Variants in MDGA2 observed in about 807,000 individuals in gnomAD.
MDGA2 encodes MAM domain containing glycosylphosphatidylinositol anchor 2.
MDGA2 carries 40 observed loss-of-function variants against 117.8 expected under a neutral mutation model. The ratio of observed to expected loss-of-function variants is 0.34; its 90% confidence interval spans 0.26 to 0.44. MDGA2 has a LOEUF of 0.44. MDGA2 is among the 20% of genes least tolerant of loss of function. The pLI, the probability that MDGA2 is intolerant of heterozygous loss-of-function variation, is 1.00. For missense variants in MDGA2, 1,123 were observed against 1,250.6 expected (o/e 0.90, Z 1.54); for synonymous variants, 452 against 439.0 (o/e 1.03, Z -0.37).
intron 1 of MDGA2, among the ~76,000 whole-genome samples, chr14:47,563,864 A>C (rs1895867662): frequency 6.6e-6 from 1 of 151,768 alleles, no homozygotes; most frequent in East Asian, 1.9e-4. Context: ...TGGTTTATGT[A>C]CTGTATGTGT....
chr14:47,348,744 G>C (rs1021096603), intron 1 of MDGA2, among the ~76,000 whole-genome samples: 1 of 152,084 alleles, frequency 6.6e-6, no homozygotes, highest in African/African-American at 2.4e-5. Context: ...GAGTGCAGAA[G>C]CAAAAATCTT....
chr14:47,646,493 G>C (rs909553954), intron 1 of MDGA2, among the ~76,000 whole-genome samples: 4 of 152,012 alleles, frequency 2.6e-5, no homozygotes, highest in Non-Finnish European at 5.9e-5. Flanking sequence ...CTTTCTTCTC[G>C]GGTCTGGATC....
chr14:47,293,358 C>A (rs1322574067), intron 2 of MDGA2, among the ~76,000 whole-genome samples: 3 of 152,120 alleles, frequency 2.0e-5, no homozygotes, highest in African/African-American at 7.2e-5. Context: ...TCATAATTAA[C>A]CCAAGTCATG....
At chr14:47,008,348 T>C (rs1887782284) in intron 8 of MDGA2, among the ~76,000 whole-genome samples, 1 of 151,900 alleles carries the variant, frequency 6.6e-6, no homozygotes, top group African/African-American at 2.4e-5. Context: ...AGCCAATGCC[T>C]AATGTTATTG....
At chr14:47,134,950 A>G (rs1253947074) in intron 4 of MDGA2, among the ~76,000 whole-genome samples, 1 of 152,014 alleles carries the variant, frequency 6.6e-6, no homozygotes, top group Non-Finnish European at 1.5e-5. Context: ...ATTTAATAAT[A>G]AAGTCTCTTT....
chr14:47,541,436 C>G (rs1895350621), intron 1 of MDGA2, among the ~76,000 whole-genome samples: 1 of 152,104 alleles, frequency 6.6e-6, no homozygotes, highest in African/African-American at 2.4e-5. Flanking sequence ...AATTTAATTC[C>G]TCGTTTGGTT....
intron 1 of MDGA2, among the ~76,000 whole-genome samples, chr14:47,319,261 C>A (rs1363164090): frequency 6.6e-6 from 1 of 152,048 alleles, no homozygotes; most frequent in Non-Finnish European, 1.5e-5. Context: ...TTGTAAATAA[C>A]ATCCTTGAGT....
chr14:47,132,353 A>G (rs1041191251), intron 4 of MDGA2, among the ~76,000 whole-genome samples: 2 of 151,982 alleles, frequency 1.3e-5, no homozygotes, highest in African/African-American at 4.8e-5. Flanking sequence ...ACATTTATAA[A>G]CATAAATATT....
At chr14:47,203,661 A>G (rs370054956) in intron 3 of MDGA2, among the ~76,000 whole-genome samples, 3 of 151,966 alleles carry the variant, frequency 2.0e-5, no homozygotes, top group East Asian at 3.9e-4. Context: ...GTAGAAGCTC[A>G]GGAGGCAGAA....
At chr14:47,457,623 C>T (rs1893382957) in intron 1 of MDGA2, among the ~76,000 whole-genome samples, 1 of 152,076 alleles carries the variant, frequency 6.6e-6, no homozygotes, top group Admixed American at 6.6e-5. Flanking sequence ...AATGTTAACT[C>T]GACTGTTCTT....
chr14:47,408,644 A>G (rs1189154513), intron 1 of MDGA2, among the ~76,000 whole-genome samples: 3 of 152,238 alleles, frequency 2.0e-5, no homozygotes, highest in Non-Finnish European at 2.9e-5. Context: ...TAGGAAGTCT[A>G]TTCTTCTCCA....
chr14:46,895,812 T>C (rs1412317091), intron 10 of MDGA2, among the ~76,000 whole-genome samples: 4 of 152,180 alleles, frequency 2.6e-5, no homozygotes, highest in Non-Finnish European at 5.9e-5. Flanking sequence ...TATTCTGGAT[T>C]TATTACTAAT....
intron 12 of MDGA2, 78 bp downstream of exon 12, chr14:46,877,411 A>T (rs2138376571): frequency 1.2e-6 from 1 of 820,158 alleles, no homozygotes; most frequent in African/African-American, 1.8e-5. Flanking sequence ...GTTACTAAAC[A>T]ATTTTTGTAT....
intron 3 of MDGA2, among the ~76,000 whole-genome samples, chr14:47,160,393 A>AAAC (rs1883583055): frequency 6.6e-6 from 1 of 152,276 alleles, no homozygotes; most frequent in East Asian, 1.9e-4. Flanking sequence ...ACAAACAAAC[A>AAAC]AACAACAACA....
At chr14:47,075,010 GAC>G (rs1890439470) in intron 6 of MDGA2, among the ~76,000 whole-genome samples, 1 of 151,820 alleles carries the variant, frequency 6.6e-6, no homozygotes. Context: ...TTTCATTTAT[GAC>G]ACATTCTCCA....
At chr14:47,570,470 C>T (rs1234088716) in intron 1 of MDGA2, among the ~76,000 whole-genome samples, 2 of 152,060 alleles carry the variant, frequency 1.3e-5, no homozygotes, top group Non-Finnish European at 2.9e-5. Context: ...AATAATTTTC[C>T]TTTCATGGAG....
At chr14:47,096,665 C>T (rs1879986645) in intron 6 of MDGA2, among the ~76,000 whole-genome samples, 189 bp downstream of exon 6, 1 of 151,968 alleles carries the variant, frequency 6.6e-6, no homozygotes, top group East Asian at 1.9e-4. Flanking sequence ...ATATATAAAG[C>T]ACTGTTATTA....
intron 12 of MDGA2, among the ~76,000 whole-genome samples, chr14:46,875,666 G>C (rs528320639): frequency 6.6e-6 from 1 of 151,572 alleles, no homozygotes; most frequent in African/African-American, 2.4e-5. Flanking sequence ...ATACATGCAC[G>C]TATTTCTTTA....
intron 2 of MDGA2, among the ~76,000 whole-genome samples, chr14:47,252,192 G>C (rs1428098853): frequency 2.6e-5 from 4 of 151,854 alleles, no homozygotes; most frequent in Admixed American, 6.6e-5. Context: ...TTAAAGGTAG[G>C]ATACAACATA....
Sources: gnomAD v4.1 joint callset for allele counts (sites outside exome capture counted in the v4.1 genomes callset) on GRCh38, gnomAD v4.1.1 for gene constraint, MANE v1.5 for transcripts, NCBI Gene and HGNC (gene_info 2026-07-23, HGNC 2026-07-21) for gene names.